Variants in DAB2IP observed in about 807,000 individuals in gnomAD.
DAB2IP encodes the protein DAB2 interacting protein.
Under a neutral mutation model 107.2 loss-of-function variants are expected in DAB2IP, and 28 were observed. That is an observed-to-expected ratio of 0.26 (90% CI 0.19 to 0.36). The LOEUF (loss-of-function observed/expected upper bound fraction) is 0.36. Among genes scored for constraint, DAB2IP ranks in the 10% least tolerant of loss-of-function variants. The probability of loss-of-function intolerance (pLI) is 1.00; values close to 1 mark genes in which losing one functional copy is unlikely to be tolerated. For synonymous variants in DAB2IP, 755 were observed against 706.4 expected (o/e 1.07, Z -1.09); for missense variants, 1,400 against 1,644.7 (o/e 0.85, Z 2.57).
At chr9:121,627,508 C>T (rs1190613533) in intron 1 of DAB2IP, among the ~76,000 whole-genome samples, 3 of 151,906 alleles carry the variant, frequency 2.0e-5, no homozygotes, top group Admixed American at 6.6e-5. Flanking sequence ...TTAAAATGGA[C>T]GTTTATGGAT....
intron 1 of DAB2IP, among the ~76,000 whole-genome samples, chr9:121,577,820 G>A (rs1327096993): frequency 2.0e-5 from 3 of 152,208 alleles, no homozygotes; most frequent in Non-Finnish European, 2.9e-5. Context: ...CAGCCAGATG[G>A]CAACCAGAGG....
chr9:121,603,531 A>T (rs1564694925), intron 1 of DAB2IP, among the ~76,000 whole-genome samples: 2 of 152,302 alleles, frequency 1.3e-5, no homozygotes, highest in South Asian at 2.1e-4. Flanking sequence ...CGGTGATAAG[A>T]GTCAGGACCT....
rs987592714 is a variant in DAB2IP at position 121,684,848 on chromosome 9, T to C, written c.228+6067T>C. Among the ~76,000 whole-genome samples, 4 of 152,266 alleles carry C rather than the reference T, an allele frequency of 2.6e-5. No homozygotes were observed. Among genetic ancestry groups the C allele is most frequent in the Admixed American group, 6.5e-5 (1 of 15,300 alleles). ...GCTTGCCCAGGATACTTGCTGGGGCTCCCTCCACTGGCCCAGGCTGCTGTG... is the reference window on the plus strand; with the variant it reads ...GCTTGCCCAGGATACTTGCTGGGGCCCCCTCCACTGGCCCAGGCTGCTGTG... On this transcript the variant is annotated intron_variant, in intron 2 of 15. Transcript: ENST00000408936. This position sits in a 1 kb window ranked among gnomAD's most constrained non-coding sequence, Gnocchi z 4.0.
chr9:121,667,307 A>G (rs1194208185), intron 1 of DAB2IP, among the ~76,000 whole-genome samples: 1 of 151,894 alleles, frequency 6.6e-6, no homozygotes, highest in African/African-American at 2.4e-5. Context: ...GGTAAATTAC[A>G]GGCGTGAGCC....
chr9:121,676,440 TTGTC>T (rs1403544080), intron 1 of DAB2IP, among the ~76,000 whole-genome samples: 1 of 152,146 alleles, frequency 6.6e-6, no homozygotes, highest in Non-Finnish European at 1.5e-5. Flanking sequence ...GCACATGTGT[TTGTC>T]TGGGCATTAC....
chr9:121,572,131 GA>G (rs1335154966), intron 1 of DAB2IP, among the ~76,000 whole-genome samples: 1 of 152,156 alleles, frequency 6.6e-6, no homozygotes, highest in Non-Finnish European at 1.5e-5. Flanking sequence ...CAGCATAAGA[GA>G]AAAAGTCCTG....
intron 10 of DAB2IP, among the ~76,000 whole-genome samples, chr9:121,769,571 C>G (rs557726412): frequency 6.6e-6 from 1 of 152,270 alleles, no homozygotes; most frequent in South Asian, 2.1e-4. Context: ...TATTGATGGA[C>G]ACTTAGGTTA....
chr9:121,639,003 G>C (rs74987285), intron 1 of DAB2IP, among the ~76,000 whole-genome samples: 3 of 152,128 alleles, frequency 2.0e-5, no homozygotes, highest in Non-Finnish European at 4.4e-5. Flanking sequence ...GTAGGGTGTG[G>C]TAAGAGGGAA....
chr9:121,596,380 G>GCCACTGCACCTGTGGTC (rs1480593414), intron 1 of DAB2IP, among the ~76,000 whole-genome samples: 1 of 152,072 alleles, frequency 6.6e-6, no homozygotes, highest in Non-Finnish European at 1.5e-5. Flanking sequence ...TGCATGTGGT[G>GCCACTGCACCTGTGGTC]CCACTGCACC....
intron 1 of DAB2IP, among the ~76,000 whole-genome samples, chr9:121,646,486 G>GC (rs1488403684): frequency 1.1e-4 from 10 of 93,718 alleles, no homozygotes; most frequent in South Asian, 3.7e-4. Flanking sequence ...CAAGTGTCCC[G>GC]CCACCCCCCC....
At chr9:121,678,875 G>A (rs1828423842) in intron 2 of DAB2IP, 94 bp downstream of exon 2, 1 of 1,184,420 alleles carries the variant, frequency 8.4e-7, no homozygotes, top group South Asian at 1.7e-5. Flanking sequence ...CCCCTTCCTG[G>A]AGCCTCATGG....
At chr9:121,688,796 A>G (rs1457363106) in intron 2 of DAB2IP, among the ~76,000 whole-genome samples, 1 of 152,182 alleles carries the variant, frequency 6.6e-6, no homozygotes, top group African/African-American at 2.4e-5. Flanking sequence ...AGACAGAGAG[A>G]GACAGGGAGT....
At chr9:121,755,548 A>G (rs571471245) in intron 3 of DAB2IP, among the ~76,000 whole-genome samples, 3 of 152,030 alleles carry the variant, frequency 2.0e-5, no homozygotes, top group Non-Finnish European at 4.4e-5. Context: ...TGGGGTATCT[A>G]AGGGTTGGGA....
At chr9:121,656,355 C>A (rs1475322606) in intron 1 of DAB2IP, among the ~76,000 whole-genome samples, 2 of 152,188 alleles carry the variant, frequency 1.3e-5, no homozygotes, top group Non-Finnish European at 2.9e-5. Context: ...GGGGCAACAG[C>A]TTGGACTTCA....
intron 10 of DAB2IP, 88 bp from the exon 11 acceptor site, chr9:121,770,458 G>C (rs569457338): frequency 6.9e-7 from 1 of 1,451,696 alleles, no homozygotes; most frequent in South Asian, 1.3e-5. Context: ...AGGCTCCGCA[G>C]TGGTTTTGAG....
At chr9:121,683,177 C>T (rs1413648883) in intron 2 of DAB2IP, among the ~76,000 whole-genome samples, 1 of 152,196 alleles carries the variant, frequency 6.6e-6, no homozygotes, top group South Asian at 2.1e-4. Flanking sequence ...CATGTGCCCA[C>T]CCAGCTTCCC....
At chr9:121,656,356 T>A (rs1249004447) in intron 1 of DAB2IP, among the ~76,000 whole-genome samples, 2 of 152,168 alleles carry the variant, frequency 1.3e-5, no homozygotes. Flanking sequence ...GGGCAACAGC[T>A]TGGACTTCAT....
At position 121,651,997 on chromosome 9, in the gene DAB2IP, A is replaced by G; in HGVS notation, c.124+98A>G. The G allele has an allele frequency of 9.1e-7, 1 of 1,102,290 alleles. No homozygotes were observed. Among genetic ancestry groups the G allele is most frequent in the South Asian group, 4.0e-5 (1 of 24,822 alleles). The allele number at this position is 1,102,290 out of a possible 1,614,324, so 68.3% of individuals were successfully genotyped here. A position where few individuals can be genotyped will look rare whatever the true frequency, so the allele number is the denominator to read the frequency against. On this transcript the variant is annotated intron_variant, in intron 1 of 15. Coordinates refer to ENST00000408936, the Ensembl canonical transcript of DAB2IP. The surrounding 1 kb of genome is among the most constrained non-coding windows in gnomAD (Gnocchi z 5.1). ...AGGGACCGGGATCCTCCTTCCAGCC[A>G]TTTGCCGGGGGTTTCCTCATCCGCC...
intron 1 of DAB2IP, among the ~76,000 whole-genome samples, chr9:121,624,375 A>C (rs921926801): frequency 6.6e-6 from 1 of 152,222 alleles, no homozygotes; most frequent in Non-Finnish European, 1.5e-5. Flanking sequence ...TTGCTGAAAT[A>C]GCCTACGGCC....
Sources: allele counts gnomAD v4.1 joint callset (sites outside exome capture counted in the v4.1 genomes callset), GRCh38; gene constraint gnomAD v4.1.1; non-coding constraint Gnocchi (gnomAD v3.1); transcripts MANE v1.5; gene names NCBI Gene and HGNC (gene_info 2026-07-23, HGNC 2026-07-21).